PLXNC1: variants seen among roughly 807,000 people sequenced by gnomAD.
The protein encoded by PLXNC1 is plexin C1.
A neutral mutation model predicts 178.2 loss-of-function variants in PLXNC1; 75 were observed. The observed-to-expected ratio is 0.42, with a 90% CI of 0.35 to 0.51. The LOEUF (loss-of-function observed/expected upper bound fraction) is 0.51. PLXNC1 is among the 20% of genes least tolerant of loss of function. The pLI, the probability that PLXNC1 is intolerant of heterozygous loss-of-function variation, is 0.02. For missense variants in PLXNC1, 1,503 were observed against 1,984.4 expected, an observed-to-expected ratio of 0.76 and a Z score of 4.61; for synonymous variants, 790 against 779.9, an observed-to-expected ratio of 1.01 and a Z score of -0.22.
At chr12:94,212,245 G>C (rs1438622435) in intron 5 of PLXNC1, among the ~76,000 whole-genome samples, 1 of 122,520 alleles carries the variant, frequency 8.2e-6, no homozygotes, top group East Asian at 2.5e-4. Context: ...CTGCTCTCCA[G>C]CCTGGGCGAC....
chr12:94,297,483 C>CTTAA, intron 26 of PLXNC1, 60 bp downstream of exon 26: 2 of 1,159,206 alleles, frequency 1.7e-6, no homozygotes, highest in South Asian at 2.6e-5. Flanking sequence ...ATATGTTTGA[C>CTTAA]TTAATTTCCA....
At position 94,247,861 on chromosome 12, in the gene PLXNC1, T is replaced by C. The variant is rs769915438; in HGVS notation, c.2389-42T>C. 5.1e-6 allele frequency: 8 copies of C among 1,569,102 alleles called. No individual in the cohort carries two copies. The South Asian group carries it at 9.0e-5, about 18-fold the overall frequency. On this transcript the variant is annotated intron_variant, in intron 12 of 30. Transcript: ENST00000258526. ...AGCTCTTAGAGATCACAGCTGGGAT[T>C]CGTTAACAAAGTTACTAAAACATTC...
intron 21 of PLXNC1, chr12:94,277,691 G>A (rs929203349): frequency 6.0e-6 from 2 of 332,506 alleles, no homozygotes; most frequent in Non-Finnish European, 1.2e-5. Flanking sequence ...GCATGGAGTG[G>A]GCGTCCTAGC....
Position 94,212,415 on chromosome 12 carries a change from T to G in PLXNC1, c.1554+2711T>G, listed in dbSNP as rs909164637. On this transcript the variant is annotated intron_variant, in intron 5 of 30. Transcript: ENST00000258526. ...TAGGTATACATGTGCCATGTTGGTT[T>G]GCTGCACCCATCAGCTCGTCATTTA... is the stretch of plus-strand genomic sequence containing the variant. 1.7e-4 allele frequency among the ~76,000 whole-genome samples: 26 copies of G among 152,252 alleles called. No individual in the cohort carries two copies. The East Asian group carries it at 4.8e-3, about 28-fold the overall frequency.
chr12:94,278,134 G>A (rs1880935), intron 21 of PLXNC1: 51,189 of 400,030 alleles, frequency 0.13, 3,491 homozygotes, highest in Admixed American at 0.21. Context: ...TAGACTCTCC[G>A]CTCCTTAAAA....
chr12:94,172,605 C>T (rs11837444), intron 2 of PLXNC1, among the ~76,000 whole-genome samples: 3,392 of 152,248 alleles, frequency 0.022, 148 homozygotes, highest in African/African-American at 0.078. Flanking sequence ...TTTGGATTCT[C>T]TATTTATGTA....
chr12:94,220,974 G>A (rs1963780430), intron 6 of PLXNC1, among the ~76,000 whole-genome samples: 1 of 152,216 alleles, frequency 6.6e-6, no homozygotes, highest in Non-Finnish European at 1.5e-5. Context: ...GGAGACGGAG[G>A]GAAGATAGAT....
intron 23 of PLXNC1, among the ~76,000 whole-genome samples, chr12:94,292,897 A>C (rs1043659695): frequency 3.9e-5 from 6 of 152,242 alleles, no homozygotes; most frequent in Admixed American, 2.0e-4. Context: ...AAACAAATAA[A>C]TTATAAGCGT....
Position 94,195,801 on chromosome 12 carries a change from T to C in PLXNC1, c.1439+9328T>C, listed in dbSNP as rs556136092. 3.9e-5 allele frequency among the ~76,000 whole-genome samples: 6 copies of C among 152,324 alleles called. No homozygotes were observed. In the East Asian group the frequency reaches 9.6e-4, roughly 24 times the overall value. On this transcript the variant is annotated intron_variant, in intron 4 of 30. Coordinates refer to ENST00000258526, the MANE Select transcript of PLXNC1 (RefSeq NM_005761.3). ...AACAGCAGGGCCCTGTGGTCAGTCT[T>C]CCTATCAGACTTTCTGAAGGGTTGG...
chr12:94,188,055 A>G (rs371183923), intron 4 of PLXNC1, among the ~76,000 whole-genome samples: 5 of 151,886 alleles, frequency 3.3e-5, no homozygotes, highest in East Asian at 1.9e-4. Flanking sequence ...CAAGGAAAGA[A>G]AGGAGGAGGA....
Position 94,260,500 on chromosome 12 carries a change from T to G in PLXNC1, c.3252-142T>G. 1 of 571,464 alleles carries G rather than the reference T, an allele frequency of 1.7e-6. No individual in the cohort carries two copies. The highest frequency in any genetic ancestry group is 3.0e-6 in the Non-Finnish European group (1 of 336,808). 35.4% of individuals were successfully genotyped at this position (571,464 alleles called of 1,614,324 possible). A position where few individuals can be genotyped will look rare whatever the true frequency, so the allele number is the denominator to read the frequency against. ...GTTCTAGAGATAGAAGTGGTTAGAA[T>G]CTAAACATTAAAAAAAAAAAAAAAA... On this transcript the variant is annotated intron_variant, in intron 19 of 30. Transcript: ENST00000258526. This position sits in a 1 kb window ranked among gnomAD's most constrained non-coding sequence, Gnocchi z 4.4.
intron 4 of PLXNC1, among the ~76,000 whole-genome samples, chr12:94,198,422 C>T (rs533258045): frequency 1.0e-3 from 158 of 152,224 alleles, no homozygotes; most frequent in African/African-American, 3.8e-3. Context: ...TTGATAGGTG[C>T]AGCAAACCAC....
chr12:94,292,805 C>T (rs1309704816), intron 23 of PLXNC1, among the ~76,000 whole-genome samples: 2 of 152,210 alleles, frequency 1.3e-5, no homozygotes, highest in South Asian at 4.1e-4. Flanking sequence ...TGTGGCACCA[C>T]GTTAGCACCC....
At chr12:94,191,641 A>G (rs1962727875) in intron 4 of PLXNC1, among the ~76,000 whole-genome samples, 1 of 151,860 alleles carries the variant, frequency 6.6e-6, no homozygotes, top group African/African-American at 2.4e-5. Context: ...AAAATTAGCC[A>G]GGTGTGGTGG....
intron 1 of PLXNC1, among the ~76,000 whole-genome samples, chr12:94,159,504 A>G (rs1340818505): frequency 6.6e-6 from 1 of 152,116 alleles, no homozygotes; most frequent in African/African-American, 2.4e-5. Context: ...GGCATGTGCA[A>G]GAACTCAAAG....
At chr12:94,268,854 C>T (rs1176846253) in intron 21 of PLXNC1, among the ~76,000 whole-genome samples, 2 of 152,194 alleles carry the variant, frequency 1.3e-5, no homozygotes, top group Non-Finnish European at 2.9e-5. Flanking sequence ...CTTGTCCTCC[C>T]GAAGTGCTGG....
At chr12:94,158,117 C>T (rs978311503) in intron 1 of PLXNC1, 2 of 152,160 alleles carry the variant, frequency 1.3e-5, no homozygotes, top group Admixed American at 6.5e-5. Flanking sequence ...CAGTCTGATG[C>T]TCATGGCAAG....
intron 5 of PLXNC1, among the ~76,000 whole-genome samples, chr12:94,212,905 G>C (rs980437626): frequency 6.6e-6 from 1 of 152,008 alleles, no homozygotes; most frequent in Admixed American, 6.5e-5. Context: ...ATTTTTAGTA[G>C]AGATGGGGTT....
chr12:94,265,843 C>T (rs190709333), intron 21 of PLXNC1, among the ~76,000 whole-genome samples: 26 of 152,216 alleles, frequency 1.7e-4, no homozygotes, highest in Admixed American at 5.9e-4. Context: ...TAATTCATCC[C>T]CACCGCACCC....
Sources: gnomAD v4.1 joint callset for allele counts (sites outside exome capture counted in the v4.1 genomes callset) on GRCh38, gnomAD v4.1.1 for gene constraint, Gnocchi (gnomAD v3.1) non-coding constraint, MANE v1.5 for transcripts, NCBI Gene and HGNC (gene_info 2026-07-23, HGNC 2026-07-21) for gene names.